The following VWA5A variants were observed in gnomAD, a reference collection of about 807,000 sequenced individuals.
VWA5A encodes the protein von Willebrand factor A domain-containing protein 5A.
In VWA5A, 77 loss-of-function variants were observed where a neutral mutation model predicts 84.6. The observed-to-expected ratio is 0.91, with a 90% confidence interval of 0.76 to 1.10. The LOEUF (loss-of-function observed/expected upper bound fraction) is 1.10, where lower values mean the gene tolerates loss of function less well. Ranked by LOEUF, VWA5A falls within the 50% of genes least tolerant of loss-of-function variation. VWA5A has a pLI of 0.00. For missense variants in VWA5A, 973 were observed against 963.0 expected, an observed-to-expected ratio of 1.01 and a Z score of -0.14; for synonymous variants, 334 against 350.1, an observed-to-expected ratio of 0.95 and a Z score of 0.51.
chr11:124,136,004 A>C, intron 12 of VWA5A, 125 bp from the exon 13 acceptor site: 1 of 1,047,004 alleles, frequency 9.6e-7, no homozygotes, highest in Non-Finnish European at 1.4e-6. Context: ...ATCTCCTAGA[A>C]TAGTATTGAG....
intron 15 of VWA5A, 55 bp downstream of exon 15, chr11:124,137,323 G>A (rs2137658833): frequency 1.9e-6 from 3 of 1,570,032 alleles, no homozygotes; most frequent in Non-Finnish European, 2.6e-6. Context: ...CTGACTATCT[G>A]AGCACATTAT....
At chr11:124,139,333 CT>C (rs141309016) in intron 15 of VWA5A, among the ~76,000 whole-genome samples, 7,978 of 151,142 alleles carry the variant, frequency 0.053, 362 homozygotes, top group African/African-American at 0.11. Flanking sequence ...TGAAGGTTGT[CT>C]TTGATATTTT....
rs757382320 is a variant in VWA5A, at chr11:124,136,281, C to G, written c.1512C>G (p.Thr504=). 6.2e-7 allele frequency: 1 copy of G among 1,612,904 alleles called. No homozygotes were observed. The change falls in exon 13 of 19, where the codon ACC becomes ACG. Residue 504 remains threonine (T), a synonymous_variant. Transcript: ENST00000456829. Reference sequence around the variant, plus strand: ...GATTAATCAGCTATGCCCAGCTGACCGGGAGGATGCCAGTGAGTTCCCATT... The same window carrying G: ...GATTAATCAGCTATGCCCAGCTGACGGGGAGGATGCCAGTGAGTTCCCATT... ...GQRLISYAQL[T]GRMPAAETTG...
intron 11 of VWA5A, among the ~76,000 whole-genome samples, chr11:124,125,283 G>T (rs1270760354): frequency 6.9e-6 from 1 of 143,986 alleles, no homozygotes; most frequent in Non-Finnish European, 1.5e-5. Flanking sequence ...GTGTCTTATG[G>T]TTTTTTTTTT....
chr11:124,144,623 T>A, intron 17 of VWA5A, among the ~76,000 whole-genome samples: 1 of 152,192 alleles, frequency 6.6e-6, no homozygotes, highest in East Asian at 1.9e-4. Context: ...GGAATTTCCC[T>A]TGATCTCCTG....
chr11:124,127,953 T>G (rs573663917), intron 11 of VWA5A, among the ~76,000 whole-genome samples: 6 of 152,308 alleles, frequency 3.9e-5, no homozygotes, highest in Middle Eastern at 3.4e-3. Context: ...TTTCTCCCAT[T>G]TTGTAGATTC....
intron 17 of VWA5A, 81 bp from the exon 18 acceptor site, chr11:124,145,156 C>G: frequency 1.3e-6 from 2 of 1,503,744 alleles, no homozygotes; most frequent in Non-Finnish European, 1.8e-6. Flanking sequence ...TAGAAGGATG[C>G]TAAGTGAGGA....
At chr11:124,122,726 T>C (rs1318760787) in intron 7 of VWA5A, among the ~76,000 whole-genome samples, 1 of 152,262 alleles carries the variant, frequency 6.6e-6, no homozygotes, top group Non-Finnish European at 1.5e-5. Flanking sequence ...CTATTGCTTG[T>C]GTCTACTAAC....
intron 11 of VWA5A, among the ~76,000 whole-genome samples, chr11:124,130,905 T>G (rs1865087069): frequency 1.3e-5 from 2 of 152,116 alleles, no homozygotes; most frequent in African/African-American, 4.8e-5. Context: ...GGCAAATGTT[T>G]TTAAAAAATT....
At chr11:124,145,211 A>G (rs1266591346) in intron 17 of VWA5A, 26 bp from the exon 18 acceptor site, 26 of 1,593,620 alleles carry the variant, frequency 1.6e-5, no homozygotes, top group African/African-American at 9.5e-5. Flanking sequence ...TCCTGTGCCA[A>G]CTGGAGCTCT....
At chr11:124,137,954 G>A (rs1392711939) in intron 15 of VWA5A, among the ~76,000 whole-genome samples, 1 of 152,198 alleles carries the variant, frequency 6.6e-6, no homozygotes, top group Non-Finnish European at 1.5e-5. Flanking sequence ...AACCTCTCAG[G>A]CTCAAGCAAT....
chr11:124,142,314 CTGA>C, intron 16 of VWA5A, 125 bp from the exon 17 acceptor site: 8 of 1,279,098 alleles, frequency 6.3e-6, no homozygotes, highest in Non-Finnish European at 8.6e-6. Flanking sequence ...TGGATGTTGT[CTGA>C]TGACTTTCTT....
At position 124,123,066 on chromosome 11, in the gene VWA5A, G is replaced by A. The variant is rs916557725; in HGVS notation, c.867G>A (p.Ser289=). Residue 289 remains serine, a synonymous_variant, in exon 8 of 19, where the codon TCG becomes TCA. Coordinates refer to ENST00000456829, the MANE Select transcript of VWA5A (RefSeq NM_001130142.2). ...CGEFIFLMDR[S]GSMQSPMSSQ... is the part of the protein sequence containing the mutation. ...AGTTTATCTTTCTCATGGACCGCTC[G>A]GGAAGTATGCAGAGCCCCATGAGTA... The A allele has an allele frequency of 1.7e-5, 27 of 1,613,934 alleles. No homozygotes were observed. Among genetic ancestry groups the A allele is most frequent in the African/African-American group, 6.7e-5 (5 of 74,886 alleles).
intron 1 of VWA5A, chr11:124,116,197 C>T (rs994264317): frequency 6.6e-6 from 1 of 152,320 alleles, no homozygotes; most frequent in Non-Finnish European, 1.5e-5. Flanking sequence ...CCAGCTGCCT[C>T]AGATTCATGG....
intron 18 of VWA5A, 75 bp downstream of exon 18, chr11:124,145,438 T>C: frequency 1.3e-6 from 2 of 1,493,630 alleles, no homozygotes; most frequent in East Asian, 2.4e-5. Flanking sequence ...GAGAGTCCCA[T>C]TGTCACCTGC....
intron 11 of VWA5A, among the ~76,000 whole-genome samples, chr11:124,128,206 G>A (rs960780408): frequency 2.6e-5 from 4 of 152,166 alleles, no homozygotes; most frequent in African/African-American, 9.6e-5. Context: ...TTAAGGAAGG[G>A]ATCCAGTTTC....
chr11:124,124,416 A>C lies in VWA5A; in HGVS notation c.1244+100A>C. ...GTGTTGACCTTCCTTCAAGAGGACC[A>C]AATGATTTCAGAATTTAGTTTTAGC... is the stretch of plus-strand genomic sequence containing the variant. On this transcript the variant is annotated intron_variant, in intron 11 of 18. Coordinates refer to ENST00000456829, the MANE Select transcript of VWA5A (RefSeq NM_001130142.2). 2.1e-6 allele frequency: 3 copies of C among 1,457,356 alleles called. No individual in the cohort carries two copies. In the South Asian group the frequency reaches 4.5e-5, roughly 22 times the overall value. The allele number at this position is 1,457,356 out of a possible 1,614,324, so 90.3% of individuals were successfully genotyped here.
At chr11:124,143,426 A>G (rs1194329870) in intron 17 of VWA5A, among the ~76,000 whole-genome samples, 1 of 152,222 alleles carries the variant, frequency 6.6e-6, no homozygotes, top group Admixed American at 6.5e-5. Flanking sequence ...AGTATCCACT[A>G]GTCACATGTG....
At chr11:124,136,885 AC>A (rs1860607076) in intron 14 of VWA5A, 129 bp from the exon 15 acceptor site, 1 of 1,322,752 alleles carries the variant, frequency 7.6e-7, no homozygotes, top group African/African-American at 1.5e-5. Flanking sequence ...TTTCTAAACC[AC>A]CCAAGTCTTC....
Sources: allele counts gnomAD v4.1 joint callset (sites outside exome capture counted in the v4.1 genomes callset), GRCh38; gene constraint gnomAD v4.1.1; transcripts MANE v1.5; gene names NCBI Gene and HGNC (gene_info 2026-07-23, HGNC 2026-07-21).